The following DLG2 variants were observed in gnomAD, a reference collection of about 807,000 sequenced individuals.
The protein encoded by DLG2 is discs large MAGUK scaffold protein 2, also known as disks large homolog 2.
DLG2 carries 45 observed loss-of-function variants against 132.5 expected under a neutral mutation model. The observed-to-expected ratio is 0.34, with a 90% CI of 0.27 to 0.44. The LOEUF (loss-of-function observed/expected upper bound fraction) is 0.44. DLG2 is among the 20% of genes least tolerant of loss of function. The pLI is 1.00. For missense variants in DLG2, 1,045 were observed against 1,196.9 expected (o/e 0.87, Z 1.87); for synonymous variants, 424 against 419.6 (o/e 1.01, Z -0.13).
rs2093640283 is a variant in DLG2, at chr11:85,495,032, G to C, written c.40+103625C>G. Among the ~76,000 whole-genome samples, 5 of 152,034 alleles carry C rather than the reference G, an allele frequency of 3.3e-5. No homozygotes were observed. The South Asian group carries it at 1.0e-3, about 32-fold the overall frequency. Reference sequence around the variant, plus strand: ...GACAACCTGTTACAATAGTGGTCAAGAGACTTAAACAGATATTTTACAAAA... The same window carrying C: ...GACAACCTGTTACAATAGTGGTCAACAGACTTAAACAGATATTTTACAAAA... On this transcript the variant is annotated intron_variant, in intron 3 of 27. Coordinates refer to ENST00000376104, the MANE Select transcript of DLG2 (RefSeq NM_001142699.3).
intron 7 of DLG2, among the ~76,000 whole-genome samples, chr11:84,261,710 C>T (rs150605947): frequency 1.3e-5 from 2 of 152,188 alleles, no homozygotes; most frequent in African/African-American, 2.4e-5. Context: ...CTTCATCAGC[C>T]ACTCCACCTA....
intron 3 of DLG2, among the ~76,000 whole-genome samples, chr11:85,533,694 G>A (rs1464340717): frequency 3.3e-5 from 5 of 151,994 alleles, no homozygotes; most frequent in Admixed American, 3.3e-4. Flanking sequence ...CCAGTGGCAG[G>A]CACTTCTTTC....
intron 3 of DLG2, among the ~76,000 whole-genome samples, chr11:85,546,129 G>A (rs1304272006): frequency 6.6e-6 from 1 of 152,116 alleles, no homozygotes; most frequent in East Asian, 1.9e-4. Context: ...TGGGCATTTA[G>A]TGCTATAAAT....
rs745531030 is a variant in DLG2, at chr11:83,874,509, AAC to A, written c.1497-23_1497-22del. The A allele has an allele frequency of 3.8e-5, 60 of 1,563,740 alleles. No individual in the cohort carries two copies. In the East Asian group the frequency reaches 1.2e-3, roughly 32 times the overall value. Reference sequence around the variant, plus strand: ...AATGACTGCAAGAAAAGACAGAAGAAACACACATCATTTATTTATTTTTTATT... The same window carrying A: ...AATGACTGCAAGAAAAGACAGAAGAAACACATCATTTATTTATTTTTTATT... On this transcript the variant is annotated intron_variant, in intron 15 of 27. Coordinates refer to ENST00000376104, the MANE Select transcript of DLG2 (RefSeq NM_001142699.3).
At chr11:85,072,132 C>T (rs1240898123) in intron 6 of DLG2, among the ~76,000 whole-genome samples, 1 of 151,742 alleles carries the variant, frequency 6.6e-6, no homozygotes, top group East Asian at 1.9e-4. Context: ...ACAATTGTAC[C>T]TGCTACAGAA....
chr11:84,447,890 T>A (rs2099040195), intron 7 of DLG2, among the ~76,000 whole-genome samples: 1 of 152,018 alleles, frequency 6.6e-6, no homozygotes, highest in Non-Finnish European at 1.5e-5. Flanking sequence ...AACGTAGAGC[T>A]GGGAAGACAT....
At chr11:84,542,148 A>AGAGG (rs2099375060) in intron 6 of DLG2, among the ~76,000 whole-genome samples, 2 of 151,992 alleles carry the variant, frequency 1.3e-5, no homozygotes, top group African/African-American at 2.4e-5. Context: ...AGAGAGAGAG[A>AGAGG]GAGAAAGAGA....
chr11:85,150,966 A>G (rs1227676146), intron 5 of DLG2, among the ~76,000 whole-genome samples: 2 of 152,098 alleles, frequency 1.3e-5, no homozygotes, highest in East Asian at 1.9e-4. Flanking sequence ...GTTTTCCATA[A>G]TGGTGGCACC....
chr11:83,548,514 C>T (rs2096295189), intron 19 of DLG2, among the ~76,000 whole-genome samples: 1 of 152,112 alleles, frequency 6.6e-6, no homozygotes, highest in African/African-American at 2.4e-5. Flanking sequence ...CAAGGGCCAC[C>T]AGTTTGAGGA....
At chr11:84,208,313 A>G (rs1467908089) in intron 8 of DLG2, among the ~76,000 whole-genome samples, 1 of 149,954 alleles carries the variant, frequency 6.7e-6, no homozygotes, top group Admixed American at 6.7e-5. Context: ...TCTGTGGGCC[A>G]TGGTCACTCA....
chr11:84,592,223 T>C (rs547857500), intron 6 of DLG2, among the ~76,000 whole-genome samples: 1 of 152,312 alleles, frequency 6.6e-6, no homozygotes, highest in South Asian at 2.1e-4. Context: ...ATCCATTAAT[T>C]TAAGGGTTCA....
chr11:85,532,164 T>A (rs530638938), intron 3 of DLG2, among the ~76,000 whole-genome samples: 1 of 152,334 alleles, frequency 6.6e-6, no homozygotes, highest in South Asian at 2.1e-4. Context: ...CTACGCAGTA[T>A]ATACAAAAGA....
intron 4 of DLG2, among the ~76,000 whole-genome samples, chr11:85,254,094 C>T (rs571439872): frequency 6.6e-6 from 1 of 152,282 alleles, no homozygotes; most frequent in South Asian, 2.1e-4. Context: ...GGCCACAGTG[C>T]CAGGCTTTTT....
intron 13 of DLG2, 132 bp from the exon 14 acceptor site, chr11:83,963,155 AG>A (rs1565826885): frequency 5.4e-6 from 5 of 927,592 alleles, no homozygotes; most frequent in African/African-American, 1.7e-5. Flanking sequence ...GTCCTCCCAG[AG>A]GGGGGAGTTG....
At chr11:83,545,128 C>A (rs1269333838) in intron 19 of DLG2, among the ~76,000 whole-genome samples, 1 of 152,102 alleles carries the variant, frequency 6.6e-6, no homozygotes, top group Middle Eastern at 3.2e-3. Context: ...CAAGTAGTAG[C>A]CAAGGAGGCA....
intron 3 of DLG2, among the ~76,000 whole-genome samples, chr11:85,394,817 C>T (rs768090564): frequency 6.6e-6 from 1 of 152,140 alleles, no homozygotes; most frequent in Non-Finnish European, 1.5e-5. Flanking sequence ...TGAATGCCTC[C>T]TAATTCCTAC....
intron 4 of DLG2, among the ~76,000 whole-genome samples, chr11:85,254,157 C>T (rs1368432794): frequency 6.6e-6 from 1 of 152,214 alleles, no homozygotes; most frequent in African/African-American, 2.4e-5. Context: ...CCAACAATTT[C>T]ACTGCCTCCT....
intron 19 of DLG2, among the ~76,000 whole-genome samples, chr11:83,570,814 G>A (rs988804677): frequency 2.0e-4 from 31 of 152,134 alleles, no homozygotes; most frequent in Non-Finnish European, 1.8e-4. Context: ...AGAACTTCAG[G>A]TAAATAGTAA....
intron 18 of DLG2, among the ~76,000 whole-genome samples, chr11:83,733,543 T>C (rs1024968896): frequency 2.0e-5 from 3 of 152,188 alleles, no homozygotes; most frequent in African/African-American, 7.2e-5. Context: ...TGAAAATCCA[T>C]CCCTGGGAGC....
Sources: gnomAD v4.1 joint callset for allele counts (sites outside exome capture counted in the v4.1 genomes callset) on GRCh38, gnomAD v4.1.1 for gene constraint, MANE v1.5 for transcripts, NCBI Gene and HGNC (gene_info 2026-07-23, HGNC 2026-07-21) for gene names.